PLXND1: variants seen among roughly 807,000 people sequenced by gnomAD.
The protein encoded by PLXND1 is plexin-D1.
PLXND1 carries 54 observed loss-of-function variants against 197.7 expected under a neutral mutation model. The ratio of observed to expected loss-of-function variants is 0.27; its 90% CI spans 0.22 to 0.34. The LOEUF (loss-of-function observed/expected upper bound fraction) is 0.34, where lower values mean the gene tolerates loss of function less well. Ranked by LOEUF, PLXND1 falls within the 10% of genes least tolerant of loss-of-function variation. The probability of loss-of-function intolerance (pLI) is 1.00; values close to 1 mark genes in which losing one functional copy is unlikely to be tolerated. For synonymous variants in PLXND1, 1,180 were observed against 1,161.2 expected (o/e 1.02, Z -0.33); for missense variants, 2,127 against 2,699.2 (o/e 0.79, Z 4.70).
At position 129,558,751 on chromosome 3, in the gene PLXND1, G is replaced by A. The variant is rs547170273; in HGVS notation, c.5298-176C>T. Reference sequence around the variant, plus strand: ...TATCCCTGGCCAGCTGGGGTGCAGTGGGGCTGAGAGCCCGGTTTCCTGCTG... The same window carrying A: ...TATCCCTGGCCAGCTGGGGTGCAGTAGGGCTGAGAGCCCGGTTTCCTGCTG... On this transcript the variant is annotated intron_variant, in intron 32 of 35. Transcript: ENST00000324093. The surrounding 1 kb of genome is among the most constrained non-coding windows in gnomAD (Gnocchi z 4.1). 9.8e-6 allele frequency: 6 copies of A among 610,354 alleles called. No homozygotes were observed. Among genetic ancestry groups the A allele is most frequent in the Non-Finnish European group, 1.7e-5 (6 of 350,762 alleles). 37.8% of individuals were successfully genotyped at this position (610,354 alleles called of 1,614,324 possible). A position where few individuals can be genotyped will look rare whatever the true frequency, so the allele number is the denominator to read the frequency against.
intron 25 of PLXND1, among the ~76,000 whole-genome samples, chr3:129,565,082 A>G (rs909730704): frequency 7.2e-5 from 11 of 152,232 alleles, no homozygotes; most frequent in Admixed American, 6.5e-5. Context: ...CACAGATGGG[A>G]CAAGGCCCCT....
At chr3:129,584,676 G>A in intron 5 of PLXND1, 114 bp from the exon 6 acceptor site, 1 of 992,856 alleles carries the variant, frequency 1.0e-6, no homozygotes, top group Non-Finnish European at 1.5e-6. Flanking sequence ...CTGGGGGAAG[G>A]GGTAGTGGTG....
At chr3:129,597,525 T>A (rs2108802742) in intron 1 of PLXND1, among the ~76,000 whole-genome samples, 1 of 152,186 alleles carries the variant, frequency 6.6e-6, no homozygotes. Flanking sequence ...AAGTGCTACA[T>A]GATTAACGCC....
chr3:129,566,110 C>A, intron 23 of PLXND1, 93 bp from the exon 24 acceptor site: 1 of 1,368,120 alleles, frequency 7.3e-7, no homozygotes, highest in Non-Finnish European at 1.0e-6. Flanking sequence ...TTGTATGCCT[C>A]CTGGGATGGG....
intron 2 of PLXND1, among the ~76,000 whole-genome samples, chr3:129,586,985 G>A (rs1437205174): frequency 2.6e-5 from 4 of 152,188 alleles, no homozygotes; most frequent in Non-Finnish European, 5.9e-5. Context: ...TGTAGTTTAC[G>A]AAACGTGCTC....
Position 129,571,133 on chromosome 3 carries a change from G to A in PLXND1, c.3507C>T (p.Arg1169=), listed in dbSNP as rs1192558992. ...PEEAQRGSRF[R]LDYLPNPQFS... is the part of the protein sequence containing the mutation. ...ACTGTGGGTTGGGGAGGTAGTCCAG[G>A]CGGAACCTGCTGCCCCGCTGTGCCT... Residue 1169 remains arginine (R), a synonymous_variant, in exon 18 of 36, where the codon CGC becomes CGT. Transcript: ENST00000324093. 2 of 1,614,232 alleles carry A rather than the reference G, an allele frequency of 1.2e-6. No individual in the cohort carries two copies. Among genetic ancestry groups the A allele is most frequent in the South Asian group, 1.1e-5 (1 of 91,088 alleles).
intron 1 of PLXND1, among the ~76,000 whole-genome samples, chr3:129,596,852 G>A (rs1027085399): frequency 2.0e-5 from 3 of 152,164 alleles, no homozygotes; most frequent in Non-Finnish European, 2.9e-5. Flanking sequence ...CAGCCAAGAA[G>A]ACAGGGCTGC....
rs1184777581 is a variant in PLXND1 at position 129,573,722 on chromosome 3, C to T, written c.2709G>A (p.Leu903=). 6.2e-7 allele frequency: 1 copy of T among 1,613,600 alleles called. No individual in the cohort carries two copies. Among genetic ancestry groups the T allele is most frequent in the Non-Finnish European group, 8.5e-7 (1 of 1,179,978 alleles). Residue 903 remains leucine, a synonymous_variant, in exon 13 of 36, where the codon TTG becomes TTA. Transcript: ENST00000324093. ...GGATGGTCAGCAGGGTCCCACCGTCCAACGGGCCACTCAGGGGCTCAATCT... is the reference window on the plus strand; with the variant it reads ...GGATGGTCAGCAGGGTCCCACCGTCTAACGGGCCACTCAGGGGCTCAATCT... ...IHAIEPLSGP[L]DGGTLLTIRG... is the part of the protein sequence containing the mutation.
rs569429461 is a variant in PLXND1 at position 129,555,478 on chromosome 3, C to T, written c.*834G>A. 2.5e-5 allele frequency: 17 copies of T among 681,666 alleles called. No individual in the cohort carries two copies. The highest frequency in any genetic ancestry group is 1.1e-4 in the East Asian group (4 of 35,912). The allele number at this position is 681,666 out of a possible 1,614,324, so 42.2% of individuals were successfully genotyped here. On this transcript the variant is annotated 3_prime_UTR_variant, in exon 36 of 36. Transcript: ENST00000324093. ...TGGGGAGCCTCTCGGGACCCCTCCC[C>T]GGGTCCTCTGCGCAAGCGGCAGCTA...
At chr3:129,578,169 G>C (rs1872112) in intron 9 of PLXND1, among the ~76,000 whole-genome samples, 160 bp downstream of exon 9, 150,907 of 152,356 alleles carry the variant, frequency 0.99, 74,752 homozygotes, top group East Asian at 1. Flanking sequence ...TCATGCAGAA[G>C]GTGGAAACTC....
chr3:129,595,426 C>T (rs972464611), intron 1 of PLXND1, among the ~76,000 whole-genome samples: 4 of 152,210 alleles, frequency 2.6e-5, no homozygotes, highest in African/African-American at 7.2e-5. Context: ...TAAATACCAG[C>T]GCCTTCAGGG....
chr3:129,570,772 C>A lies in PLXND1; in HGVS notation c.3750+14G>T. On this transcript the variant is annotated intron_variant, in intron 19 of 35. Transcript: ENST00000324093. The stretch of plus-strand genomic sequence containing the variant: ...GGGCCAGGTCTGCCCTGCTCCGGCG[C>A]CCCATCCACTCACTGTGATGGGCAG... 6.2e-7 allele frequency: 1 copy of A among 1,613,200 alleles called. No individual in the cohort carries two copies. The highest frequency in any genetic ancestry group is 8.5e-7 in the Non-Finnish European group (1 of 1,179,300).
At chr3:129,563,303 C>T in intron 25 of PLXND1, 63 bp from the exon 26 acceptor site, 4 of 1,407,044 alleles carry the variant, frequency 2.8e-6, no homozygotes, top group Non-Finnish European at 3.8e-6. Flanking sequence ...ATGCTTTGGG[C>T]CAAACACCTT....
chr3:129,568,354 A>G (rs2085173115), intron 20 of PLXND1, among the ~76,000 whole-genome samples: 2 of 152,202 alleles, frequency 1.3e-5, no homozygotes, highest in South Asian at 4.1e-4. Context: ...GTATTTTCAG[A>G]AAAGAGACTG....
chr3:129,596,819 T>A (rs1253707713), intron 1 of PLXND1, among the ~76,000 whole-genome samples: 1 of 151,970 alleles, frequency 6.6e-6, no homozygotes, highest in Non-Finnish European at 1.5e-5. Flanking sequence ...GGTCCCAGAG[T>A]CATCGCACGA....
intron 2 of PLXND1, 41 bp downstream of exon 2, chr3:129,589,310 T>TGGCCCCCCCCCCCCCCCC: frequency 4.0e-6 from 2 of 501,290 alleles, no homozygotes; most frequent in Non-Finnish European, 7.6e-6. Flanking sequence ...CAGGGGAGCC[T>TGGCCCCCCCCCCCCCCCC]CCCACCCCCA....
Position 129,555,634 on chromosome 3 carries a change from C to G in PLXND1, c.*678G>C. On this transcript the variant is annotated 3_prime_UTR_variant, in exon 36 of 36. Coordinates refer to ENST00000324093, the MANE Select transcript of PLXND1 (RefSeq NM_015103.3). ...GCCTCGGTGCATCTTAACCCCTCTC[C>G]TTTTCCTGGAGACGGGGCTCCCAGC... is the stretch of plus-strand genomic sequence containing the variant. 1.8e-6 allele frequency: 1 copy of G among 563,536 alleles called. No homozygotes were observed. The allele number at this position is 563,536 out of a possible 1,614,324, so 34.9% of individuals were successfully genotyped here. A position where few individuals can be genotyped will look rare whatever the true frequency, so the allele number is the denominator to read the frequency against.
chr3:129,579,144 T>C (rs538288580), intron 8 of PLXND1, among the ~76,000 whole-genome samples: 11 of 148,034 alleles, frequency 7.4e-5, no homozygotes, highest in Non-Finnish European at 1.5e-4. Context: ...AGCTGCTTCA[T>C]GGAACGAAAG....
intron 8 of PLXND1, chr3:129,578,662 A>G: frequency 1.9e-6 from 1 of 534,736 alleles, no homozygotes; most frequent in East Asian, 3.3e-5. Context: ...AGGTGGGCAC[A>G]GGCAGATGGC....
Sources: allele counts gnomAD v4.1 joint callset (sites outside exome capture counted in the v4.1 genomes callset), GRCh38; gene constraint gnomAD v4.1.1; non-coding constraint Gnocchi (gnomAD v3.1); transcripts MANE v1.5; gene names NCBI Gene and HGNC (gene_info 2026-07-23, HGNC 2026-07-21).